The following MIGA1 variants were observed in gnomAD, a reference collection of about 807,000 sequenced individuals.
The protein encoded by MIGA1 is family with sequence similarity 73, member A.
In MIGA1, 58 loss-of-function variants were observed where a neutral mutation model predicts 82.0. That is an observed-to-expected ratio of 0.71 (90% CI 0.57 to 0.88). The LOEUF is 0.88. MIGA1 is among the 40% of genes least tolerant of loss of function. The probability of loss-of-function intolerance (pLI) is 0.00; values close to 1 mark genes in which losing one functional copy is unlikely to be tolerated. For missense variants in MIGA1, 751 were observed against 749.1 expected, an observed-to-expected ratio of 1.00 and a Z score of -0.03; for synonymous variants, 249 against 253.6, an observed-to-expected ratio of 0.98 and a Z score of 0.17.
intron 2 of MIGA1, among the ~76,000 whole-genome samples, chr1:77,784,661 T>C (rs1161225952): frequency 6.6e-6 from 1 of 152,266 alleles, no homozygotes; most frequent in Admixed American, 6.5e-5. Flanking sequence ...TGTTATTTTC[T>C]ATTTCATTGA....
intron 7 of MIGA1, among the ~76,000 whole-genome samples, chr1:77,841,737 C>CTT (rs113884294): frequency 6.7e-6 from 1 of 148,796 alleles, no homozygotes; most frequent in African/African-American, 2.5e-5. Context: ...CTTCTGCTTT[C>CTT]TTTCTTTTCT....
chr1:77,828,896 C>T (rs113275943), intron 7 of MIGA1, among the ~76,000 whole-genome samples: 79 of 152,196 alleles, frequency 5.2e-4, no homozygotes, highest in African/African-American at 1.6e-3. Context: ...AGGCTGGGCT[C>T]GAACTCCTGG....
intron 5 of MIGA1, chr1:77,811,322 C>T (rs1170440852): frequency 3.6e-5 from 58 of 1,606,166 alleles, no homozygotes; most frequent in East Asian, 4.5e-5. Context: ...AATAAAGTAC[C>T]GGGAACTCTA....
intron 11 of MIGA1, chr1:77,860,960 A>G (rs1313681285): frequency 3.1e-6 from 1 of 317,792 alleles, no homozygotes; most frequent in East Asian, 6.7e-5. Flanking sequence ...CCAAATTTTC[A>G]TTTTAATTAC....
chr1:77,801,569 G>A (rs1682886535), intron 3 of MIGA1, 61 bp downstream of exon 3: 1 of 1,426,386 alleles, frequency 7.0e-7, no homozygotes, highest in African/African-American at 1.5e-5. Flanking sequence ...GGAATACAGT[G>A]ATTTTGGTCT....
At chr1:77,839,527 C>T (rs893044008) in intron 7 of MIGA1, among the ~76,000 whole-genome samples, 2 of 151,876 alleles carry the variant, frequency 1.3e-5, no homozygotes, top group East Asian at 1.9e-4. Flanking sequence ...TGCACCACCA[C>T]GCCCTGCTAA....
intron 11 of MIGA1, 23 bp from the exon 12 acceptor site, chr1:77,861,200 GT>G (rs757425466): frequency 6.9e-7 from 1 of 1,458,488 alleles, no homozygotes; most frequent in Non-Finnish European, 9.6e-7. Flanking sequence ...TGAGTTTAGG[GT>G]TAAAATGTGT....
At chr1:77,847,587 A>G in intron 8 of MIGA1, 1 of 1,531,140 alleles carries the variant, frequency 6.5e-7, no homozygotes. Context: ...ATATAAGAAA[A>G]AACTGCAAGA....
At chr1:77,813,630 A>C in intron 5 of MIGA1, 104 bp from the exon 6 acceptor site, 1 of 1,200,818 alleles carries the variant, frequency 8.3e-7, no homozygotes, top group Non-Finnish European at 1.2e-6. Context: ...TGTCAAAATT[A>C]GACTGTGACA....
At position 77,877,958 on chromosome 1, in the gene MIGA1, A is replaced by G. The variant is rs1273303173; in HGVS notation, c.*2894A>G. On this transcript the variant is annotated 3_prime_UTR_variant, in exon 16 of 16. Transcript: ENST00000370791. ...TTAGCAAGATGTGGCCTTTCACAAA[A>G]GAGGTAAGAGTGACCAAATAGAATT... The G allele has an allele frequency of 1.3e-5, 2 of 152,426 alleles. No individual in the cohort carries two copies. The highest frequency in any genetic ancestry group is 4.8e-5 in the African/African-American group (2 of 41,468). The allele number at this position is 152,426 out of a possible 1,614,324, so 9.4% of individuals were successfully genotyped here.
rs1464581885 is a variant in MIGA1, at chr1:77,830,435, C to T, written c.896-12872C>T. Among the ~76,000 whole-genome samples the T allele has an allele frequency of 3.9e-5, 6 of 152,102 alleles. No homozygotes were observed. In the East Asian group the frequency reaches 1.2e-3, roughly 29 times the overall value. On this transcript the variant is annotated intron_variant, in intron 7 of 15. Transcript: ENST00000370791. ...GGTTTTTGCATTTGAATATTAACAA[C>T]TCTTGTGAACTCTTATTAGTTGTAA...
intron 12 of MIGA1, among the ~76,000 whole-genome samples, chr1:77,863,579 A>G (rs1362489731): frequency 1.3e-5 from 2 of 152,224 alleles, no homozygotes; most frequent in Non-Finnish European, 2.9e-5. Flanking sequence ...TGGGGAAGAC[A>G]GGCACATATA....
At chr1:77,861,171 T>C in intron 11 of MIGA1, 53 bp from the exon 12 acceptor site, 1 of 1,122,828 alleles carries the variant, frequency 8.9e-7, no homozygotes, top group Non-Finnish European at 1.3e-6. Context: ...GTAACTTTCT[T>C]TGTAGCTTGT....
chr1:77,828,549 G>A (rs994246112), intron 7 of MIGA1, among the ~76,000 whole-genome samples: 1 of 152,182 alleles, frequency 6.6e-6, no homozygotes, highest in African/African-American at 2.4e-5. Context: ...TTTTAGTGAA[G>A]TAGAAATTTA....
intron 8 of MIGA1, chr1:77,847,141 T>G (rs1277197138): frequency 1.7e-6 from 2 of 1,145,618 alleles, no homozygotes; most frequent in Non-Finnish European, 2.6e-6. Flanking sequence ...TGGGTTTATT[T>G]TGCCAAAGAA....
chr1:77,829,578 C>G (rs780131769), intron 7 of MIGA1, among the ~76,000 whole-genome samples: 13 of 152,144 alleles, frequency 8.5e-5, no homozygotes, highest in Non-Finnish European at 1.8e-4. Flanking sequence ...AAGTGATTCT[C>G]GTGCCTCAGC....
At position 77,874,951 on chromosome 1, in the gene MIGA1, A is replaced by G; in HGVS notation, c.1786A>G (p.Thr596Ala). ...CCTCATGCAGTTACTCATTCGCCGC[A>G]CTGAGCTTTTAATGGCCTATCTTGA... is the stretch of plus-strand genomic sequence containing the variant. Residue 596 changes from threonine (T) to alanine (A), a missense_variant, in exon 16 of 16, where the codon ACT (threonine) becomes GCT (alanine). This residue lies in a region of MIGA1 where 265 missense variants were observed against 293.6 expected (regional missense o/e 0.90). Coordinates refer to ENST00000370791, the MANE Select transcript of MIGA1 (RefSeq NM_198549.4). 3 of 1,614,152 alleles carry G rather than the reference A, an allele frequency of 1.9e-6. No homozygotes were observed. The highest frequency in any genetic ancestry group is 2.5e-6 in the Non-Finnish European group (3 of 1,180,008).
chr1:77,847,382 A>G (rs1684883660), intron 8 of MIGA1: 2 of 1,110,236 alleles, frequency 1.8e-6, no homozygotes, highest in Admixed American at 3.4e-5. Context: ...ACAATACTAA[A>G]TTGCTTTTGG....
intron 7 of MIGA1, among the ~76,000 whole-genome samples, chr1:77,820,056 A>T (rs2101820727): frequency 6.6e-6 from 1 of 151,678 alleles, no homozygotes; most frequent in African/African-American, 2.4e-5. Context: ...TCCACAGCTG[A>T]CAGAGTAAGG....
Sources: gnomAD v4.1 joint callset for allele counts (sites outside exome capture counted in the v4.1 genomes callset) on GRCh38, gnomAD v4.1.1 for gene constraint, gnomAD v4.1.1 regional missense constraint, MANE v1.5 for transcripts, NCBI Gene and HGNC (gene_info 2026-07-23, HGNC 2026-07-21) for gene names.